The following SLC22A23 variants were observed in gnomAD, a reference collection of about 807,000 sequenced individuals.
SLC22A23 encodes the protein ion transporter protein.
A neutral mutation model predicts 61.0 loss-of-function variants in SLC22A23; 26 were observed. The observed-to-expected ratio is 0.43, with a 90% CI of 0.31 to 0.59. The LOEUF (loss-of-function observed/expected upper bound fraction) is 0.59. Among genes scored for constraint, SLC22A23 ranks in the 20% least tolerant of loss-of-function variants. The pLI is 0.11. For synonymous variants in SLC22A23, 430 were observed against 413.9 expected (o/e 1.04, Z -0.47); for missense variants, 796 against 934.7 (o/e 0.85, Z 1.94).
chr6:3,318,334 C>T lies in SLC22A23; in HGVS notation c.1082+5500G>A, dbSNP rs114838200. Reference sequence around the variant, plus strand: ...ACACACAAACCAACCCATCCAGAGCCGATACCCCAACCACTTCCTGTGTCG... The same window carrying T: ...ACACACAAACCAACCCATCCAGAGCTGATACCCCAACCACTTCCTGTGTCG... On this transcript the variant is annotated intron_variant, in intron 4 of 9. Coordinates refer to ENST00000406686, the MANE Select transcript of SLC22A23 (RefSeq NM_015482.2). This position sits in a 1 kb window ranked among gnomAD's most constrained non-coding sequence, Gnocchi z 4.3. Among the ~76,000 whole-genome samples the T allele has an allele frequency of 0.012, 1,883 of 152,276 alleles. 54 individuals are homozygous for T. Among genetic ancestry groups the T allele is most frequent in the African/African-American group, 0.043 (1,770 of 41,552 alleles).
chr6:3,288,748 T>C (rs1760289141), intron 6 of SLC22A23, among the ~76,000 whole-genome samples: 1 of 152,250 alleles, frequency 6.6e-6, no homozygotes, highest in East Asian at 1.9e-4. Flanking sequence ...AGCATCTACC[T>C]GAACCAGGCA....
chr6:3,374,459 A>T (rs963091498), intron 3 of SLC22A23, among the ~76,000 whole-genome samples: 1 of 152,258 alleles, frequency 6.6e-6, no homozygotes, highest in African/African-American at 2.4e-5. Flanking sequence ...TCTACCTGAC[A>T]GTAACAACAT....
intron 3 of SLC22A23, among the ~76,000 whole-genome samples, chr6:3,352,206 G>C (rs748425011): frequency 7.9e-5 from 12 of 152,092 alleles, no homozygotes; most frequent in Non-Finnish European, 1.8e-4. Context: ...TGCTCTGACA[G>C]TGAAAACCAC....
At position 3,415,711 on chromosome 6, in the gene SLC22A23, T is replaced by C. The variant is rs1769649122; in HGVS notation, c.758+41A>G. ...TTCTTTAGCCAGCAAAGGCGTGCTG[T>C]GGCCTCCAAAGGTTCGTGCGGCGGG... On this transcript the variant is annotated intron_variant, in intron 2 of 9. Coordinates refer to ENST00000406686, the MANE Select transcript of SLC22A23 (RefSeq NM_015482.2). 8 of 1,358,936 alleles carry C rather than the reference T, an allele frequency of 5.9e-6. No homozygotes were observed. The East Asian group carries it at 2.0e-4, about 34-fold the overall frequency. The allele number at this position is 1,358,936 out of a possible 1,614,324, so 84.2% of individuals were successfully genotyped here. A position where few individuals can be genotyped will look rare whatever the true frequency, so the allele number is the denominator to read the frequency against.
At chr6:3,334,885 G>T (rs2127414224) in intron 3 of SLC22A23, among the ~76,000 whole-genome samples, 1 of 152,320 alleles carries the variant, frequency 6.6e-6, no homozygotes, top group East Asian at 1.9e-4. Context: ...GGAAAATAAG[G>T]TCACAGAGTT....
intron 1 of SLC22A23, among the ~76,000 whole-genome samples, chr6:3,426,672 T>C (rs73720890): frequency 0.033 from 5,043 of 152,278 alleles, 297 homozygotes; most frequent in African/African-American, 0.12. Flanking sequence ...TCTTTCTCTT[T>C]TTTTTTCTTG....
chr6:3,418,479 A>G (rs1338433745), intron 1 of SLC22A23, among the ~76,000 whole-genome samples: 1 of 152,242 alleles, frequency 6.6e-6, no homozygotes, highest in African/African-American at 2.4e-5. Flanking sequence ...TTAAGGTGCT[A>G]GCTAATAAGA....
intron 3 of SLC22A23, among the ~76,000 whole-genome samples, chr6:3,369,605 G>C (rs1027932249): frequency 6.6e-6 from 1 of 151,836 alleles, no homozygotes; most frequent in Non-Finnish European, 1.5e-5. Context: ...GCAGGAGAAT[G>C]GCTTCAATCT....
At chr6:3,445,522 C>G (rs1771850027) in intron 1 of SLC22A23, among the ~76,000 whole-genome samples, 1 of 152,216 alleles carries the variant, frequency 6.6e-6, no homozygotes, top group Non-Finnish European at 1.5e-5. Flanking sequence ...TTCATGACAT[C>G]AAGTTCAGAT....
intron 8 of SLC22A23, 108 bp from the exon 9 acceptor site, chr6:3,284,083 G>A (rs908678740): frequency 1.7e-5 from 19 of 1,136,748 alleles, no homozygotes; most frequent in East Asian, 7.9e-5. Context: ...TCCAGCTTGC[G>A]GCATGGATGG....
In SLC22A23 at chr6:3,297,441, A is replaced by G. The variant is rs1306459740; in HGVS notation, c.1210+650T>C. ...AGAATCTCTTCTAGTGCTTATTAGA[A>G]ATGCAAGTTCTCAGGGCTTATCCCA... On this transcript the variant is annotated intron_variant, in intron 5 of 9. Coordinates refer to ENST00000406686, the MANE Select transcript of SLC22A23 (RefSeq NM_015482.2). This position sits in a 1 kb window ranked among gnomAD's most constrained non-coding sequence, Gnocchi z 4.3. 2.0e-5 allele frequency among the ~76,000 whole-genome samples: 3 copies of G among 152,160 alleles called. No individual in the cohort carries two copies. The highest frequency in any genetic ancestry group is 2.0e-4 in the Admixed American group (3 of 15,270).
At chr6:3,399,802 T>C (rs972594188) in intron 3 of SLC22A23, among the ~76,000 whole-genome samples, 2 of 152,188 alleles carry the variant, frequency 1.3e-5, no homozygotes, top group Non-Finnish European at 2.9e-5. Context: ...GAATGATCTG[T>C]CCAGGAGAAT....
chr6:3,379,337 A>T (rs555318155), intron 3 of SLC22A23, among the ~76,000 whole-genome samples: 1 of 152,318 alleles, frequency 6.6e-6, no homozygotes, highest in South Asian at 2.1e-4. Flanking sequence ...CTATCTTTTT[A>T]ATGACTATCT....
At chr6:3,301,717 G>A (rs1761626175) in intron 4 of SLC22A23, among the ~76,000 whole-genome samples, 1 of 152,184 alleles carries the variant, frequency 6.6e-6, no homozygotes, top group African/African-American at 2.4e-5. Flanking sequence ...GAACGAGCAG[G>A]GCAGAGCTTC....
At chr6:3,422,272 T>C (rs1421368341) in intron 1 of SLC22A23, among the ~76,000 whole-genome samples, 4 of 152,164 alleles carry the variant, frequency 2.6e-5, no homozygotes, top group African/African-American at 4.8e-5. Context: ...GTGTTTTATA[T>C]ACCATGGACG....
intron 9 of SLC22A23, chr6:3,282,416 T>C (rs2127303990): frequency 1.5e-6 from 1 of 666,150 alleles, no homozygotes; most frequent in African/African-American, 1.8e-5. Flanking sequence ...AGGCTGGGCC[T>C]GTAGGATACG....
chr6:3,374,539 G>C (rs1261873857), intron 3 of SLC22A23, among the ~76,000 whole-genome samples: 1 of 152,214 alleles, frequency 6.6e-6, no homozygotes. Context: ...CTGGAATAAA[G>C]GGTGTGCTTT....
chr6:3,418,802 A>C (rs954625789), intron 1 of SLC22A23, among the ~76,000 whole-genome samples: 1 of 152,206 alleles, frequency 6.6e-6, no homozygotes, highest in Non-Finnish European at 1.5e-5. Flanking sequence ...ATGCCTGGGG[A>C]TCCGCCTGCA....
intron 3 of SLC22A23, among the ~76,000 whole-genome samples, chr6:3,373,182 C>A (rs536012629): frequency 9.9e-5 from 15 of 152,206 alleles, no homozygotes; most frequent in Admixed American, 1.3e-4. Flanking sequence ...TGTGACCAGT[C>A]CCACAAAACC....
Sources: allele counts gnomAD v4.1 joint callset (sites outside exome capture counted in the v4.1 genomes callset), GRCh38; gene constraint gnomAD v4.1.1; non-coding constraint Gnocchi (gnomAD v3.1); transcripts MANE v1.5; gene names NCBI Gene and HGNC (gene_info 2026-07-23, HGNC 2026-07-21).